RGPD2: variants seen among roughly 807,000 people sequenced by gnomAD.
RGPD2 encodes the protein RANBP2-like and GRIP domain-containing protein 2.
In RGPD2, 2 loss-of-function variants were observed where a neutral mutation model predicts 36.0. The ratio of observed to expected loss-of-function variants is 0.06; its 90% CI spans 0.02 to 0.17. The LOEUF (loss-of-function observed/expected upper bound fraction) is 0.17. Among genes scored for constraint, RGPD2 ranks in the 10% least tolerant of loss-of-function variants. The pLI, the probability that RGPD2 is intolerant of heterozygous loss-of-function variation, is 1.00. For synonymous variants in RGPD2, 19 were observed against 163.8 expected, an observed-to-expected ratio of 0.12 and a Z score of 6.75; for missense variants, 40 against 464.3, an observed-to-expected ratio of 0.09 and a Z score of 8.40.
the RGPD2 span, among the ~76,000 whole-genome samples, chr2:87,984,929 CAAAAAA>C: frequency 2.9e-5 from 2 of 68,686 alleles, no homozygotes; most frequent in African/African-American, 5.9e-5. Context: ...CATTCTGTCT[CAAAAAA>C]AAAAAAAAAA....
the RGPD2 span, among the ~76,000 whole-genome samples, chr2:87,962,037 A>C: frequency 2.0e-5 from 3 of 151,104 alleles, no homozygotes; most frequent in South Asian, 6.3e-4. Context: ...CAAAAAAAAA[A>C]AAAAAAAAGG....
At chr2:87,929,348 T>C in the RGPD2 span, among the ~76,000 whole-genome samples, 2 of 151,410 alleles carry the variant, frequency 1.3e-5, no homozygotes, top group East Asian at 3.9e-4. Context: ...GTCTTATTTC[T>C]GGGTTCTCTA....
At chr2:87,824,748 C>CGCCGAG (rs1558738314) in intron 1 of RGPD2, among the ~76,000 whole-genome samples, 2 of 94,520 alleles carry the variant, frequency 2.1e-5, no homozygotes, top group African/African-American at 7.0e-5. Flanking sequence ...CCGAGGCCGC[C>CGCCGAG]GCCGCCGCCG....
At chr2:87,935,721 A>ATGTTTGC in the RGPD2 span, among the ~76,000 whole-genome samples, 2 of 148,432 alleles carry the variant, frequency 1.3e-5, no homozygotes. Flanking sequence ...AAGAAAATAA[A>ATGTTTGC]CTTTTAAGAG....
the RGPD2 span, among the ~76,000 whole-genome samples, chr2:87,905,508 G>A: frequency 3.3e-5 from 5 of 151,270 alleles, 1 homozygote; most frequent in Admixed American, 3.3e-4. Context: ...AAAATCAATT[G>A]AGCTATAATT....
At chr2:87,857,265 A>G in the RGPD2 span, among the ~76,000 whole-genome samples, 1 of 152,240 alleles carries the variant, frequency 6.6e-6, no homozygotes, top group Non-Finnish European at 1.5e-5. Context: ...CCACTTTATA[A>G]TAGGTTATGG....
At chr2:87,847,531 ACT>A in the RGPD2 span, among the ~76,000 whole-genome samples, 1 of 145,570 alleles carries the variant, frequency 6.9e-6, no homozygotes, top group South Asian at 2.1e-4. Context: ...ACGAAGTCTC[ACT>A]CTGTCACCAG....
At chr2:87,849,192 A>G in the RGPD2 span, among the ~76,000 whole-genome samples, 1 of 150,734 alleles carries the variant, frequency 6.6e-6, no homozygotes. Context: ...AAACTAAGAA[A>G]AATGCATATA....
chr2:87,875,558 C>A, the RGPD2 span, among the ~76,000 whole-genome samples: 1 of 152,126 alleles, frequency 6.6e-6, no homozygotes, highest in Non-Finnish European at 1.5e-5. Context: ...AGATATGAAG[C>A]CAACTGGATC....
chr2:87,824,793 A>C (rs1291033102), intron 1 of RGPD2: 3,283 of 23,766 alleles, frequency 0.14, 154 homozygotes, highest in African/African-American at 0.37. Flanking sequence ...GCCGAGGCCG[A>C]GGCCGCCGCC....
chr2:87,977,817 A>T, the RGPD2 span, among the ~76,000 whole-genome samples: 1 of 152,232 alleles, frequency 6.6e-6, no homozygotes, highest in Non-Finnish European at 1.5e-5. Context: ...TGAAAATGTT[A>T]TAAAAAGAAT....
chr2:87,858,222 G>A, the RGPD2 span, among the ~76,000 whole-genome samples: 15 of 151,828 alleles, frequency 9.9e-5, no homozygotes, highest in African/African-American at 3.6e-4. Context: ...AGGTTGCAGT[G>A]AGCCAAGATT....
the RGPD2 span, among the ~76,000 whole-genome samples, chr2:87,897,890 A>ACTT: frequency 6.6e-6 from 1 of 152,100 alleles, no homozygotes. Context: ...GAAAGTTTCA[A>ACTT]CTTTGTGATT....
the RGPD2 span, among the ~76,000 whole-genome samples, chr2:87,929,475 T>TTTG: frequency 3.1e-4 from 45 of 147,492 alleles, 1 homozygote; most frequent in East Asian, 1.2e-3. Context: ...TTTGTTTTTT[T>TTTG]TGTGTGTGTG....
the RGPD2 span, among the ~76,000 whole-genome samples, chr2:87,843,879 G>T: frequency 6.6e-6 from 1 of 151,772 alleles, no homozygotes; most frequent in Non-Finnish European, 1.5e-5. Flanking sequence ...ATACTATGCA[G>T]CCATAAAAAA....
the RGPD2 span, among the ~76,000 whole-genome samples, chr2:87,929,421 G>A: frequency 6.8e-6 from 1 of 146,498 alleles, no homozygotes; most frequent in Non-Finnish European, 1.5e-5. Flanking sequence ...GGTTACTGTA[G>A]CTCTGTAGTG....
chr2:87,917,214 G>GA, the RGPD2 span, among the ~76,000 whole-genome samples: 203 of 149,102 alleles, frequency 1.4e-3, 2 homozygotes, highest in Non-Finnish European at 2.5e-3. Context: ...CAGGAAGTCA[G>GA]AAAAAAAATT....
At chr2:87,864,613 GATA>G in the RGPD2 span, among the ~76,000 whole-genome samples, 1 of 43,012 alleles carries the variant, frequency 2.3e-5, no homozygotes, top group African/African-American at 6.8e-5. Context: ...TAGATAGATA[GATA>G]GATAGATACA....
At chr2:87,919,695 T>A in the RGPD2 span, among the ~76,000 whole-genome samples, 1 of 145,164 alleles carries the variant, frequency 6.9e-6, no homozygotes. Flanking sequence ...AGAAGTAGTG[T>A]GGGAAAGGTC....
Sources: gnomAD v4.1 joint callset for allele counts (sites outside exome capture counted in the v4.1 genomes callset) on GRCh38, gnomAD v4.1.1 for gene constraint, MANE v1.5 for transcripts, NCBI Gene and HGNC (gene_info 2026-07-23, HGNC 2026-07-21) for gene names.